The following PIEZO2 variants were observed in gnomAD, a reference collection of about 807,000 sequenced individuals.
PIEZO2 encodes the protein piezo type mechanosensitive ion channel component 2, also known as piezo-type mechanosensitive ion channel component 2.
Under a neutral mutation model 337.3 loss-of-function variants are expected in PIEZO2, and 172 were observed. That is an observed-to-expected ratio of 0.51 (90% confidence interval 0.45 to 0.58). The LOEUF is 0.58. Among genes scored for constraint, PIEZO2 ranks in the 20% least tolerant of loss-of-function variants. The probability of loss-of-function intolerance (pLI) is 0.00; values close to 1 mark genes in which losing one functional copy is unlikely to be tolerated. For missense variants in PIEZO2, 3,028 were observed against 3,391.3 expected, an observed-to-expected ratio of 0.89 and a Z score of 2.66; for synonymous variants, 1,251 against 1,228.5, an observed-to-expected ratio of 1.02 and a Z score of -0.38.
chr18:10,700,673 C>T (rs1009080670), intron 43 of PIEZO2, among the ~76,000 whole-genome samples: 3 of 152,062 alleles, frequency 2.0e-5, no homozygotes, highest in African/African-American at 7.2e-5. Flanking sequence ...CAAAATTATA[C>T]CATCAAGTAT....
chr18:10,790,376 G>T (rs2039367618), intron 14 of PIEZO2, among the ~76,000 whole-genome samples: 1 of 152,158 alleles, frequency 6.6e-6, no homozygotes, highest in African/African-American at 2.4e-5. Context: ...CACAGACAGT[G>T]CTTCTTAACC....
rs2584738 is a variant in PIEZO2 at position 11,032,977 on chromosome 18, G to A, written c.160+33150C>T. On this transcript the variant is annotated intron_variant, in intron 2 of 55. Coordinates refer to ENST00000674853, the MANE Select transcript of PIEZO2 (RefSeq NM_001378183.1). This position sits in a 1 kb window ranked among gnomAD's most constrained non-coding sequence, Gnocchi z 4.9. The stretch of plus-strand genomic sequence containing the variant: ...CACAGTCAAGGTAGATGAGAAATGA[G>A]TGAGGTTGGCTTCTGCCTCCCTCTC... 0.24 allele frequency among the ~76,000 whole-genome samples: 36,104 copies of A among 152,158 alleles called. 4,422 individuals are homozygous for A. The highest frequency in any genetic ancestry group is 0.36 in the East Asian group (1,885 of 5,170).
chr18:11,008,359 C>T (rs1773303332), intron 2 of PIEZO2, among the ~76,000 whole-genome samples: 1 of 152,146 alleles, frequency 6.6e-6, no homozygotes, highest in Non-Finnish European at 1.5e-5. Context: ...CAAGATATAT[C>T]AAAGCAAATC....
At chr18:10,904,072 T>C (rs2043115308) in intron 4 of PIEZO2, among the ~76,000 whole-genome samples, 1 of 152,234 alleles carries the variant, frequency 6.6e-6, no homozygotes, top group African/African-American at 2.4e-5. Flanking sequence ...ATAGGAGTTA[T>C]GTGTAAACAT....
At chr18:11,086,546 C>G (rs1197540251) in intron 1 of PIEZO2, among the ~76,000 whole-genome samples, 1 of 151,940 alleles carries the variant, frequency 6.6e-6, no homozygotes, top group Non-Finnish European at 1.5e-5. Context: ...CTTTAAGTCT[C>G]AAAACAGGCT....
At chr18:10,937,717 C>T (rs1271762799) in intron 3 of PIEZO2, among the ~76,000 whole-genome samples, 1 of 152,150 alleles carries the variant, frequency 6.6e-6, no homozygotes, top group Non-Finnish European at 1.5e-5. Flanking sequence ...TTCTTCCAAG[C>T]GCCTAATCCT....
rs553075414 is a variant in PIEZO2 at position 10,920,910 on chromosome 18, G to A, written c.287-9682C>T. 1.4e-4 allele frequency among the ~76,000 whole-genome samples: 21 copies of A among 152,096 alleles called. No individual in the cohort carries two copies. The South Asian group carries it at 3.5e-3, about 26-fold the overall frequency. ...TCTACTAAAAATACAAAAATTAGCC[G>A]GGCATGGTGGTGGGTGCCTGTAATC... On this transcript the variant is annotated intron_variant, in intron 3 of 55. Transcript: ENST00000674853.
intron 3 of PIEZO2, among the ~76,000 whole-genome samples, chr18:10,950,655 A>G (rs2033251958): frequency 6.6e-6 from 1 of 152,226 alleles, no homozygotes; most frequent in East Asian, 1.9e-4. Context: ...CCATAGATCC[A>G]TTTACACACA....
At chr18:11,071,526 T>A (rs892838618) in intron 1 of PIEZO2, among the ~76,000 whole-genome samples, 9 of 152,094 alleles carry the variant, frequency 5.9e-5, no homozygotes, top group Admixed American at 3.3e-4. Flanking sequence ...TAGTGAACAA[T>A]GGGCATAGTC....
At chr18:10,915,754 C>T (rs945230917) in intron 3 of PIEZO2, among the ~76,000 whole-genome samples, 5 of 152,094 alleles carry the variant, frequency 3.3e-5, no homozygotes, top group African/African-American at 2.4e-5. Context: ...CCCATTGGAT[C>T]GTCTCATCTT....
chr18:10,974,523 C>G lies in PIEZO2; in HGVS notation c.286+5012G>C, dbSNP rs184110349. On this transcript the variant is annotated intron_variant, in intron 3 of 55. Coordinates refer to ENST00000674853, the MANE Select transcript of PIEZO2 (RefSeq NM_001378183.1). ...TAAGTATCAGAAACGCTAATTTTAG[C>G]CCTTTGAAAATAGACTTATCCAAAG... 2.9e-3 allele frequency among the ~76,000 whole-genome samples: 440 copies of G among 152,238 alleles called. 2 individuals are homozygous for G. The highest frequency in any genetic ancestry group is 0.01 in the African/African-American group (428 of 41,554).
At chr18:10,791,154 T>C (rs2039398037) in intron 14 of PIEZO2, 47 bp downstream of exon 14, 2 of 1,477,122 alleles carry the variant, frequency 1.4e-6, no homozygotes, top group Non-Finnish European at 1.8e-6. Flanking sequence ...TTCTCTGTAA[T>C]TTTGCTGAGC....
chr18:10,826,756 G>A (rs2040688972), intron 7 of PIEZO2, among the ~76,000 whole-genome samples: 1 of 152,168 alleles, frequency 6.6e-6, no homozygotes. Context: ...GCTATAAAGT[G>A]CAATGGGTTT....
At chr18:10,749,033 A>G (rs2037539265) in intron 29 of PIEZO2, among the ~76,000 whole-genome samples, 1 of 152,214 alleles carries the variant, frequency 6.6e-6, no homozygotes, top group Admixed American at 6.5e-5. Flanking sequence ...AACCAGCAGA[A>G]TAATGAGCAC....
chr18:10,943,524 T>C lies in PIEZO2; in HGVS notation c.287-32296A>G, dbSNP rs1232603265. 6.6e-6 allele frequency among the ~76,000 whole-genome samples: 1 copy of C among 152,220 alleles called. No homozygotes were observed. Among genetic ancestry groups the C allele is most frequent in the African/African-American group, 2.4e-5 (1 of 41,456 alleles). The stretch of plus-strand genomic sequence containing the variant: ...TTAGTTTTGGCCAATTTCTGCCATT[T>C]GGAATGGCTTTATTTGCCCAATGCC... On this transcript the variant is annotated intron_variant, in intron 3 of 55. Coordinates refer to ENST00000674853, the MANE Select transcript of PIEZO2 (RefSeq NM_001378183.1). The surrounding 1 kb of genome is among the most constrained non-coding windows in gnomAD (Gnocchi z 4.5).
Position 10,682,355 on chromosome 18 carries a change from G to T in PIEZO2, c.7498-63C>A. 2 of 1,402,102 alleles carry T rather than the reference G, an allele frequency of 1.4e-6. No homozygotes were observed. Among genetic ancestry groups the T allele is most frequent in the Non-Finnish European group, 1.9e-6 (2 of 1,045,204 alleles). The allele number at this position is 1,402,102 out of a possible 1,614,324, so 86.9% of individuals were successfully genotyped here. ...TCAGGTGCTTTCCCGCAGGCAGCGG[G>T]ATTGGGGGAGAGCGAGTGCTCTTCC... On this transcript the variant is annotated intron_variant, in intron 49 of 55. Transcript: ENST00000674853. This position sits in a 1 kb window ranked among gnomAD's most constrained non-coding sequence, Gnocchi z 5.6.
chr18:11,139,339 C>A (rs1347936129), intron 1 of PIEZO2, among the ~76,000 whole-genome samples: 1 of 152,140 alleles, frequency 6.6e-6, no homozygotes. Flanking sequence ...CATCAGAAAC[C>A]ATATAATGCA....
At chr18:10,762,695 T>C in intron 22 of PIEZO2, 70 bp from the exon 23 acceptor site, 1 of 1,496,432 alleles carries the variant, frequency 6.7e-7, no homozygotes, top group Non-Finnish European at 8.9e-7. Flanking sequence ...TTATTTCTTC[T>C]TCAGCCTTGA....
chr18:10,947,991 T>C (rs2033110964), intron 3 of PIEZO2, among the ~76,000 whole-genome samples: 1 of 151,614 alleles, frequency 6.6e-6, no homozygotes, highest in African/African-American at 2.4e-5. Flanking sequence ...AAAGCACACA[T>C]TACAAAAGAA....
Sources: gnomAD v4.1 joint callset for allele counts (sites outside exome capture counted in the v4.1 genomes callset) on GRCh38, gnomAD v4.1.1 for gene constraint, Gnocchi (gnomAD v3.1) non-coding constraint, MANE v1.5 for transcripts, NCBI Gene and HGNC (gene_info 2026-07-23, HGNC 2026-07-21) for gene names.